Variants in CCNY observed in about 807,000 individuals in gnomAD.
CCNY encodes cyclin Y.
Under a neutral mutation model 42.8 loss-of-function variants are expected in CCNY, and 19 were observed. That is an observed-to-expected ratio of 0.44 (90% CI 0.31 to 0.65). The LOEUF is 0.65. Ranked by LOEUF, CCNY falls within the 30% of genes least tolerant of loss-of-function variation. CCNY has a pLI of 0.07. For synonymous variants in CCNY, 165 were observed against 162.7 expected, an observed-to-expected ratio of 1.01 and a Z score of -0.11; for missense variants, 370 against 437.3, an observed-to-expected ratio of 0.85 and a Z score of 1.37.
chr10:35,387,698 A>T (rs1319844929), intron 1 of CCNY, among the ~76,000 whole-genome samples: 1 of 152,230 alleles, frequency 6.6e-6, no homozygotes, highest in Non-Finnish European at 1.5e-5. Flanking sequence ...AGTGTATTTT[A>T]TAAAGCAAGA....
chr10:35,438,233 C>T (rs1838582731), intron 1 of CCNY, among the ~76,000 whole-genome samples: 1 of 151,632 alleles, frequency 6.6e-6, no homozygotes, highest in South Asian at 2.1e-4. Context: ...ACTACAGCCT[C>T]AGCCTCCCAG....
At chr10:35,267,985 A>G (rs1483538424) in intron 3 of CCNY, among the ~76,000 whole-genome samples, 1 of 151,998 alleles carries the variant, frequency 6.6e-6, no homozygotes, top group Admixed American at 6.5e-5. Flanking sequence ...CAGTGATGCA[A>G]TCTTGGCTGG....
At chr10:35,261,977 T>C (rs539510788) in intron 3 of CCNY, among the ~76,000 whole-genome samples, 5 of 151,352 alleles carry the variant, frequency 3.3e-5, no homozygotes, top group African/African-American at 1.2e-4. Context: ...GCTGAGATGG[T>C]ACCATTGCAC....
At chr10:35,458,135 G>A (rs1030876171) in intron 1 of CCNY, among the ~76,000 whole-genome samples, 2 of 152,202 alleles carry the variant, frequency 1.3e-5, no homozygotes, top group Non-Finnish European at 2.9e-5. Context: ...CCTACAAGCT[G>A]TTTCTGCATA....
chr10:35,495,436 C>T (rs1054224849), intron 2 of CCNY, among the ~76,000 whole-genome samples: 3 of 152,192 alleles, frequency 2.0e-5, no homozygotes, highest in Admixed American at 6.5e-5. Context: ...TAGTTTTCTC[C>T]TTATGTTCTT....
rs370346703 is a variant in CCNY at position 35,303,622 on chromosome 10, A to G, written c.-9+52996A>G. ...GAGAAACCCCATCTCTACTAAAAAT[A>G]CAAAATTAGCTGGATGTAGTGGTGC... On this transcript the variant is annotated intron_variant, in intron 3 of 11. Transcript: ENST00000374706. Among the ~76,000 whole-genome samples the G allele has an allele frequency of 3.3e-5, 5 of 151,182 alleles. No homozygotes were observed. In the South Asian group the frequency reaches 6.3e-4, roughly 19 times the overall value.
At chr10:35,532,358 G>T (rs1840786539) in intron 7 of CCNY, among the ~76,000 whole-genome samples, 1 of 152,210 alleles carries the variant, frequency 6.6e-6, no homozygotes, top group African/African-American at 2.4e-5. Context: ...TTGGCATGCT[G>T]CTCAGCAGGC....
intron 3 of CCNY, among the ~76,000 whole-genome samples, chr10:35,312,061 A>C (rs778948200): frequency 2.0e-5 from 3 of 151,982 alleles, no homozygotes; most frequent in Non-Finnish European, 4.4e-5. Flanking sequence ...CACTTGACTA[A>C]GGGTTTAGTA....
At chr10:35,426,109 GCGCACACACACACACACACACACACA>G (rs1273891755) in intron 1 of CCNY, among the ~76,000 whole-genome samples, 1 of 111,676 alleles carries the variant, frequency 9.0e-6, no homozygotes, top group Non-Finnish European at 1.8e-5. Context: ...GGTCCAGCAC[GCGCACACACACACACACACACACACA>G]CACACACACA....
chr10:35,531,323 C>T (rs961123383), intron 7 of CCNY, among the ~76,000 whole-genome samples: 5 of 152,160 alleles, frequency 3.3e-5, no homozygotes, highest in African/African-American at 1.2e-4. Flanking sequence ...TTTGTGTCTC[C>T]GCCACATGAA....
At position 35,446,944 on chromosome 10, in the gene CCNY, C is replaced by T. The variant is rs147870086; in HGVS notation, c.155-36460C>T. ...GTAATTTTTAGATAAATTGATTATA[C>T]AGATTTTGGAAAACATATAGTTACC... On this transcript the variant is annotated intron_variant, in intron 1 of 9. Transcript: ENST00000374704. Among the ~76,000 whole-genome samples the T allele has an allele frequency of 4.6e-3, 705 of 152,236 alleles. 7 individuals are homozygous for T. The highest frequency in any genetic ancestry group is 3.3e-3 in the Non-Finnish European group (225 of 68,028).
At chr10:35,283,683 G>A (rs1448583027) in intron 3 of CCNY, among the ~76,000 whole-genome samples, 2 of 152,166 alleles carry the variant, frequency 1.3e-5, no homozygotes. Flanking sequence ...GATTACAGGC[G>A]TGAGCCACTG....
At chr10:35,270,271 T>C (rs976361461) in intron 3 of CCNY, among the ~76,000 whole-genome samples, 1 of 152,174 alleles carries the variant, frequency 6.6e-6, no homozygotes, top group Non-Finnish European at 1.5e-5. Context: ...TTTGCTCTCA[T>C]GACCCAGTCC....
chr10:35,564,635 A>G (rs547173331), intron 8 of CCNY, among the ~76,000 whole-genome samples: 2 of 152,314 alleles, frequency 1.3e-5, no homozygotes, highest in East Asian at 3.9e-4. Flanking sequence ...GGCTGGGATC[A>G]GGGTCAGGAG....
rs1455396073 is a variant in CCNY at position 35,336,559 on chromosome 10, C to T, written c.-495C>T. 6.7e-6 allele frequency among the ~76,000 whole-genome samples: 1 copy of T among 148,758 alleles called. No homozygotes were observed. Among genetic ancestry groups the T allele is most frequent in the East Asian group, 2.0e-4 (1 of 5,122 alleles). ...GCCGCGAGGAGTCCGGGGGCTGCGC[C>T]CACGCCCGCTGCCCGCCCGCTCGTC... On this transcript the variant is annotated 5_prime_UTR_variant, in exon 1 of 10. Coordinates refer to ENST00000374704, the MANE Select transcript of CCNY (RefSeq NM_145012.6).
rs369087083 is a variant in CCNY, at chr10:35,326,524, C to T, written c.-9+75898C>T. Among the ~76,000 whole-genome samples the T allele has an allele frequency of 2.3e-4, 35 of 152,280 alleles. No homozygotes were observed. The South Asian group carries it at 7.0e-3, about 31-fold the overall frequency. On this transcript the variant is annotated intron_variant, in intron 3 of 11. Transcript: ENST00000374706. ...CAGTGCCCAAAGGCAAGAAATTGTACCAGTTGATGCCTTTTAGTCTAAGAG... is the reference window on the plus strand; with the variant it reads ...CAGTGCCCAAAGGCAAGAAATTGTATCAGTTGATGCCTTTTAGTCTAAGAG...
At chr10:35,447,239 C>T (rs764409847) in intron 1 of CCNY, among the ~76,000 whole-genome samples, 13 of 152,138 alleles carry the variant, frequency 8.5e-5, no homozygotes, top group East Asian at 3.9e-4. Context: ...ATCGTGCCAC[C>T]GCACTCCAGC....
chr10:35,388,177 G>T (rs1837337452), intron 1 of CCNY, among the ~76,000 whole-genome samples: 1 of 152,184 alleles, frequency 6.6e-6, no homozygotes, highest in Non-Finnish European at 1.5e-5. Context: ...GCCTTTCCTG[G>T]TATCACATTT....
At chr10:35,290,282 C>T (rs1030153549) in intron 3 of CCNY, among the ~76,000 whole-genome samples, 8 of 142,648 alleles carry the variant, frequency 5.6e-5, no homozygotes, top group East Asian at 2.1e-4. Context: ...CTGGGCATCG[C>T]GGTATGCGCC....
Sources: gnomAD v4.1 joint callset for allele counts (sites outside exome capture counted in the v4.1 genomes callset) on GRCh38, gnomAD v4.1.1 for gene constraint, MANE v1.5 for transcripts, NCBI Gene and HGNC (gene_info 2026-07-23, HGNC 2026-07-21) for gene names.